Variants in BTBD9 observed in about 807,000 individuals in gnomAD.
BTBD9 encodes BTB domain containing 9, also known as BTB/POZ domain-containing protein 9.
BTBD9 carries 49 observed loss-of-function variants against 64.3 expected under a neutral mutation model. The observed-to-expected ratio is 0.76, with a 90% CI of 0.61 to 0.97. The LOEUF is 0.97. BTBD9 is among the 50% of genes least tolerant of loss of function. The pLI is 0.00. For synonymous variants in BTBD9, 260 were observed against 274.7 expected (o/e 0.95, Z 0.53); for missense variants, 598 against 762.1 (o/e 0.78, Z 2.53).
intron 6 of BTBD9, among the ~76,000 whole-genome samples, chr6:38,569,777 G>A (rs926147553): frequency 1.3e-5 from 2 of 151,876 alleles, no homozygotes; most frequent in South Asian, 2.1e-4. Context: ...AAAACATGGC[G>A]GGGTTTTGGG....
At chr6:38,279,517 A>C (rs1374170125) in intron 8 of BTBD9, among the ~76,000 whole-genome samples, 1 of 152,148 alleles carries the variant, frequency 6.6e-6, no homozygotes, top group Non-Finnish European at 1.5e-5. Flanking sequence ...CAAAAGCTAT[A>C]TTAAAGCAAT....
At chr6:38,251,242 T>A (rs1438953011) in intron 9 of BTBD9, among the ~76,000 whole-genome samples, 2 of 151,684 alleles carry the variant, frequency 1.3e-5, no homozygotes, top group African/African-American at 4.8e-5. Flanking sequence ...AGTAAAGTTG[T>A]TAAGTTAATA....
chr6:38,248,270 G>C (rs1764277324), intron 9 of BTBD9, among the ~76,000 whole-genome samples: 1 of 152,206 alleles, frequency 6.6e-6, no homozygotes, highest in African/African-American at 2.4e-5. Flanking sequence ...GCAGGAAATA[G>C]AAAGTTTGTG....
intron 6 of BTBD9, among the ~76,000 whole-genome samples, chr6:38,523,511 A>G (rs1257101479): frequency 1.3e-5 from 2 of 152,176 alleles, no homozygotes; most frequent in African/African-American, 4.8e-5. Flanking sequence ...CTCCTGTTTC[A>G]GAGAGCTCTG....
At chr6:38,177,618 C>T (rs780599375) in intron 10 of BTBD9, among the ~76,000 whole-genome samples, 7 of 152,240 alleles carry the variant, frequency 4.6e-5, no homozygotes, top group Non-Finnish European at 7.3e-5. Context: ...GTCTCTGCTC[C>T]GCACTGCGCT....
chr6:38,436,708 C>A (rs755861539), intron 6 of BTBD9, among the ~76,000 whole-genome samples: 5 of 149,980 alleles, frequency 3.3e-5, no homozygotes, highest in Non-Finnish European at 7.4e-5. Context: ...TTGACATCAA[C>A]TTTCTCATTC....
chr6:38,232,567 A>G (rs1763646131), intron 9 of BTBD9, among the ~76,000 whole-genome samples: 6 of 152,196 alleles, frequency 3.9e-5, no homozygotes. Flanking sequence ...AGTATAGCAC[A>G]AAGATCTTCC....
chr6:38,521,271 T>C (rs1773262142), intron 6 of BTBD9, among the ~76,000 whole-genome samples: 1 of 152,170 alleles, frequency 6.6e-6, no homozygotes, highest in Non-Finnish European at 1.5e-5. Context: ...AATGTGGAAA[T>C]AGTACCTTAC....
At chr6:38,210,806 A>AC (rs1297669553) in intron 9 of BTBD9, among the ~76,000 whole-genome samples, 8 of 152,100 alleles carry the variant, frequency 5.3e-5, no homozygotes, top group Admixed American at 5.2e-4. Flanking sequence ...ATAATTAATT[A>AC]CCTTTACCCT....
intron 6 of BTBD9, among the ~76,000 whole-genome samples, chr6:38,516,328 A>T (rs1773022851): frequency 6.6e-6 from 1 of 152,206 alleles, no homozygotes; most frequent in African/African-American, 2.4e-5. Flanking sequence ...TACATGTAGA[A>T]CTATGTGTTT....
Position 38,361,880 on chromosome 6 carries a change from A to C in BTBD9, c.1155-16787T>G, listed in dbSNP as rs1050898657. ...AACAACACCACAGGAAAAAAAAAAA[A>C]CAAAAACAACTCCACAAGTATTTCA... On this transcript the variant is annotated intron_variant, in intron 6 of 10. Coordinates refer to ENST00000481247, the MANE Select transcript of BTBD9 (RefSeq NM_001099272.2). 2.6e-5 allele frequency among the ~76,000 whole-genome samples: 4 copies of C among 151,758 alleles called. No homozygotes were observed. In the South Asian group the frequency reaches 6.2e-4, roughly 24 times the overall value.
intron 7 of BTBD9, among the ~76,000 whole-genome samples, chr6:38,290,412 G>A (rs538547869): frequency 6.6e-6 from 1 of 152,038 alleles, no homozygotes; most frequent in East Asian, 1.9e-4. Flanking sequence ...ATTTGGAAGA[G>A]AGAATGAAAG....
chr6:38,306,989 A>G (rs2127568142), intron 7 of BTBD9, among the ~76,000 whole-genome samples: 2 of 151,720 alleles, frequency 1.3e-5, no homozygotes, highest in East Asian at 3.9e-4. Context: ...ATCATTCTCT[A>G]TTGCCAAGAT....
intron 1 of BTBD9, among the ~76,000 whole-genome samples, chr6:38,613,365 T>C (rs549779660): frequency 1.6e-4 from 24 of 152,346 alleles, no homozygotes; most frequent in African/African-American, 5.5e-4. Flanking sequence ...CTCACGCTTG[T>C]AATCCCAAAA....
At chr6:38,436,658 G>A (rs1445366127) in intron 6 of BTBD9, among the ~76,000 whole-genome samples, 2 of 150,160 alleles carry the variant, frequency 1.3e-5, no homozygotes, top group African/African-American at 2.5e-5. Context: ...TTACAGGCAT[G>A]AGCCACCACA....
Position 38,425,952 on chromosome 6 carries a change from A to T in BTBD9, c.1155-80859T>A, listed in dbSNP as rs532305453. 9.0e-4 allele frequency among the ~76,000 whole-genome samples: 133 copies of T among 147,622 alleles called. 1 individual carries two copies. Among genetic ancestry groups the T allele is most frequent in the African/African-American group, 3.1e-3 (125 of 39,950 alleles). ...TACACACACACACACACACACACAC[A>T]CACACAAACAAAAGCAAGCCCAGAC... On this transcript the variant is annotated intron_variant, in intron 6 of 10. Transcript: ENST00000481247.
chr6:38,428,356 CTA>C (rs35346876), intron 6 of BTBD9, among the ~76,000 whole-genome samples: 72,993 of 151,028 alleles, frequency 0.48, 18,308 homozygotes, highest in Middle Eastern at 0.64. Flanking sequence ...GTACACAACT[CTA>C]TGTTAGCATG....
chr6:38,593,089 T>A (rs1225973452), intron 3 of BTBD9, among the ~76,000 whole-genome samples: 1 of 152,204 alleles, frequency 6.6e-6, no homozygotes, highest in East Asian at 1.9e-4. Context: ...TCCAAACACA[T>A]CTGCATTCAT....
At chr6:38,584,560 G>A (rs1308076677) in intron 4 of BTBD9, among the ~76,000 whole-genome samples, 3 of 152,060 alleles carry the variant, frequency 2.0e-5, no homozygotes, top group Admixed American at 2.0e-4. Flanking sequence ...ATTGCTTTAT[G>A]TTCTTAATTA....
Sources: gnomAD v4.1 joint callset for allele counts (sites outside exome capture counted in the v4.1 genomes callset) on GRCh38, gnomAD v4.1.1 for gene constraint, MANE v1.5 for transcripts, NCBI Gene and HGNC (gene_info 2026-07-23, HGNC 2026-07-21) for gene names.